RALGAPA2: variants seen among roughly 807,000 people sequenced by gnomAD.
RALGAPA2 encodes the protein Ral GTPase activating protein catalytic subunit alpha 2.
RALGAPA2 carries 139 observed loss-of-function variants against 230.4 expected under a neutral mutation model. The ratio of observed to expected loss-of-function variants is 0.60; its 90% CI spans 0.53 to 0.69. The LOEUF (loss-of-function observed/expected upper bound fraction) is 0.69. Ranked by LOEUF, RALGAPA2 falls within the 30% of genes least tolerant of loss-of-function variation. RALGAPA2 has a pLI of 0.00. For synonymous variants in RALGAPA2, 847 were observed against 837.8 expected (o/e 1.01, Z -0.19); for missense variants, 2,163 against 2,276.0 (o/e 0.95, Z 1.01).
At chr20:20,541,140 A>C (rs187469515) in intron 24 of RALGAPA2, among the ~76,000 whole-genome samples, 24 of 151,376 alleles carry the variant, frequency 1.6e-4, no homozygotes, top group African/African-American at 5.6e-4. Flanking sequence ...TTTTTGGTGA[A>C]AGCCATCCTA....
At chr20:20,554,000 ATATATTCATATATAATGAAATT>A (rs2064004972) in intron 23 of RALGAPA2, among the ~76,000 whole-genome samples, 1 of 152,208 alleles carries the variant, frequency 6.6e-6, no homozygotes, top group Non-Finnish European at 1.5e-5. Context: ...GCTTCAAGAT[ATATATTCATATATAATGAAATT>A]CACCCTATAA....
intron 23 of RALGAPA2, among the ~76,000 whole-genome samples, chr20:20,559,023 G>A (rs572871767): frequency 5.3e-5 from 8 of 152,178 alleles, no homozygotes; most frequent in African/African-American, 9.6e-5. Context: ...ATTTCTGTTC[G>A]TTACTTCCCA....
At chr20:20,676,312 T>C in intron 2 of RALGAPA2, 24 bp from the exon 3 acceptor site, 2 of 1,491,076 alleles carry the variant, frequency 1.3e-6, no homozygotes, top group East Asian at 2.3e-5. Flanking sequence ...AAATAATTAG[T>C]TATCATGACA....
intron 38 of RALGAPA2, among the ~76,000 whole-genome samples, chr20:20,407,820 G>T (rs547051066): frequency 6.6e-6 from 1 of 152,330 alleles, no homozygotes; most frequent in East Asian, 1.9e-4. Flanking sequence ...TGTGAAAGAT[G>T]AAAGTTTGCA....
intron 1 of RALGAPA2, among the ~76,000 whole-genome samples, chr20:20,701,287 G>A (rs1338700195): frequency 1.3e-5 from 2 of 152,032 alleles, no homozygotes; most frequent in African/African-American, 4.8e-5. Flanking sequence ...AATATTTAGG[G>A]CACTGTTCAG....
intron 1 of RALGAPA2, among the ~76,000 whole-genome samples, chr20:20,703,741 C>T (rs2069487699): frequency 1.3e-5 from 2 of 152,140 alleles, no homozygotes; most frequent in Admixed American, 1.3e-4. Flanking sequence ...ACTCTGGAGT[C>T]ATACCCAGCA....
At chr20:20,585,150 T>C (rs961164391) in intron 18 of RALGAPA2, among the ~76,000 whole-genome samples, 195 bp from the exon 19 acceptor site, 1 of 152,268 alleles carries the variant, frequency 6.6e-6, no homozygotes. Context: ...TCTGAAACTT[T>C]AATTTATATC....
In RALGAPA2 at chr20:20,501,163, T is replaced by A. The variant is rs188212200; in HGVS notation, c.5208+2188A>T. On this transcript the variant is annotated intron_variant, in intron 35 of 39. Transcript: ENST00000202677. ...CTTCAACTTAAAGTCACCAGCTGCA[T>A]TAGCCCTAACAAGAGAGTCAGACTG... 2.6e-5 allele frequency among the ~76,000 whole-genome samples: 4 copies of A among 152,340 alleles called. No homozygotes were observed. In the East Asian group the frequency reaches 7.7e-4, roughly 29 times the overall value.
rs545444718 is a variant in RALGAPA2, at chr20:20,520,989, T to G, written c.4012A>C (p.Asn1338His). The G allele has an allele frequency of 3.1e-6, 5 of 1,613,928 alleles. No individual in the cohort carries two copies. Among genetic ancestry groups the G allele is most frequent in the South Asian group, 2.2e-5 (2 of 91,082 alleles). The change falls in exon 31 of 40, where the codon AAT (asparagine) becomes CAT (histidine). Residue 1338 changes from asparagine (N) to histidine (H), a missense_variant. Transcript: ENST00000202677. ...TDYDPFLPLA[N>H]VKSSEPVQYH... ...TGGACTGGCTCAGAGCTCTTCACAT[T>G]TGCCAGTGGCAGGAAGGGGTCATAA...
intron 18 of RALGAPA2, among the ~76,000 whole-genome samples, chr20:20,585,565 T>C (rs2065109977): frequency 6.6e-6 from 1 of 152,132 alleles, no homozygotes; most frequent in South Asian, 2.1e-4. Context: ...AATATGCAAA[T>C]AAACTGCCTC....
At chr20:20,446,232 T>TC (rs1314165671) in intron 37 of RALGAPA2, among the ~76,000 whole-genome samples, 1 of 152,064 alleles carries the variant, frequency 6.6e-6, no homozygotes, top group Non-Finnish European at 1.5e-5. Context: ...ATTTGAGATA[T>TC]CCCCCTCTCA....
chr20:20,436,172 C>A (rs904829343), intron 37 of RALGAPA2, among the ~76,000 whole-genome samples: 2 of 152,162 alleles, frequency 1.3e-5, no homozygotes, highest in Admixed American at 6.5e-5. Flanking sequence ...ATTGCTCCCT[C>A]TCTCTCAGGC....
chr20:20,524,843 TC>T lies in RALGAPA2; in HGVS notation c.3748del (p.Glu1250LysfsTer23). 1 of 1,604,442 alleles carries T rather than the reference TC, an allele frequency of 6.2e-7. No individual in the cohort carries two copies. The highest frequency in any genetic ancestry group is 1.7e-5 in the Admixed American group (1 of 58,196). ...LLPSAEYSSV[E>X]TDKKFIVSLL... ...TGTGCCACCTACCTTCTTGTCTGTT[TC>T]CACTGAGGAGTACTCTGCACTTGGT... On this transcript the variant is annotated frameshift_variant, in exon 29 of 40. Coordinates refer to ENST00000202677, the MANE Select transcript of RALGAPA2 (RefSeq NM_020343.4). LOFTEE classifies it high-confidence loss of function.
At chr20:20,466,845 C>G (rs969321486) in intron 37 of RALGAPA2, among the ~76,000 whole-genome samples, 3 of 152,204 alleles carry the variant, frequency 2.0e-5, no homozygotes, top group African/African-American at 7.2e-5. Flanking sequence ...TATCCAAAGC[C>G]CAGTACATAA....
chr20:20,498,121 T>C (rs149900728), intron 35 of RALGAPA2, among the ~76,000 whole-genome samples: 144 of 152,298 alleles, frequency 9.5e-4, no homozygotes, highest in African/African-American at 3.2e-3. Context: ...CATTGACACA[T>C]CATTTTGTGA....
At chr20:20,616,288 C>T in intron 12 of RALGAPA2, 97 bp from the exon 13 acceptor site, 1 of 957,228 alleles carries the variant, frequency 1.0e-6, no homozygotes, top group Non-Finnish European at 1.5e-6. Flanking sequence ...CCAATGAAAT[C>T]ATTTTTCAGT....
intron 24 of RALGAPA2, among the ~76,000 whole-genome samples, chr20:20,537,190 A>G (rs1323064028): frequency 6.6e-6 from 1 of 152,198 alleles, no homozygotes; most frequent in Non-Finnish European, 1.5e-5. Context: ...ACTATCGGAG[A>G]GTAGAAAGAG....
chr20:20,534,274 C>T (rs1183556231), intron 26 of RALGAPA2, among the ~76,000 whole-genome samples: 4 of 152,026 alleles, frequency 2.6e-5, no homozygotes, highest in Non-Finnish European at 5.9e-5. Context: ...GAAATCCCGT[C>T]TCTACTAAAA....
intron 36 of RALGAPA2, among the ~76,000 whole-genome samples, chr20:20,476,888 C>T (rs548760251): frequency 2.0e-5 from 3 of 151,944 alleles, no homozygotes; most frequent in Non-Finnish European, 4.4e-5. Context: ...TCCACAGTAA[C>T]GAAAATGAAC....
Sources: allele counts gnomAD v4.1 joint callset (sites outside exome capture counted in the v4.1 genomes callset), GRCh38; gene constraint gnomAD v4.1.1; transcripts MANE v1.5; gene names NCBI Gene and HGNC (gene_info 2026-07-23, HGNC 2026-07-21).